Variants in COX10 observed in about 807,000 individuals in gnomAD.
COX10 encodes cytochrome c oxidase assembly factor heme A:farnesyltransferase COX10.
COX10 carries 27 observed loss-of-function variants against 37.3 expected under a neutral mutation model. The observed-to-expected ratio is 0.72, with a 90% CI of 0.53 to 1.00. The LOEUF is 1.00. Ranked by LOEUF, COX10 falls within the 50% of genes least tolerant of loss-of-function variation. The pLI is 0.00. For synonymous variants in COX10, 222 were observed against 229.1 expected, an observed-to-expected ratio of 0.97 and a Z score of 0.28; for missense variants, 475 against 563.2, an observed-to-expected ratio of 0.84 and a Z score of 1.59.
rs1430781758 is a variant in COX10, at chr17:14,127,175, T to C, written c.624+24933T>C. On this transcript the variant is annotated intron_variant, in intron 4 of 6. Coordinates refer to ENST00000261643, the MANE Select transcript of COX10 (RefSeq NM_001303.4). Reference sequence around the variant, plus strand: ...AGGAAAGGCATAAAGAAACTTGTTTTAACTATTTGCTGTCTTCACTAAACC... The same window carrying C: ...AGGAAAGGCATAAAGAAACTTGTTTCAACTATTTGCTGTCTTCACTAAACC... Among the ~76,000 whole-genome samples the C allele has an allele frequency of 3.3e-5, 5 of 152,204 alleles. No homozygotes were observed. In the East Asian group the frequency reaches 9.6e-4, roughly 29 times the overall value.
intron 6 of COX10, among the ~76,000 whole-genome samples, chr17:14,196,642 G>T (rs1906374971): frequency 6.6e-6 from 1 of 152,168 alleles, no homozygotes; most frequent in South Asian, 2.1e-4. Context: ...TGTGCTGCAG[G>T]TTCTCCAAGA....
At chr17:14,124,691 A>G (rs1916297931) in intron 4 of COX10, among the ~76,000 whole-genome samples, 1 of 152,158 alleles carries the variant, frequency 6.6e-6, no homozygotes, top group Non-Finnish European at 1.5e-5. Flanking sequence ...CGGTGCAGAT[A>G]CCTCTGTGGA....
intron 4 of COX10, among the ~76,000 whole-genome samples, chr17:14,126,461 A>G (rs536114845): frequency 1.3e-5 from 2 of 152,354 alleles, no homozygotes; most frequent in South Asian, 4.1e-4. Flanking sequence ...ACCACAGCTA[A>G]TTAACAACTG....
intron 5 of COX10, among the ~76,000 whole-genome samples, chr17:14,172,493 A>G (rs1346398767): frequency 6.6e-6 from 1 of 151,742 alleles, no homozygotes; most frequent in Non-Finnish European, 1.5e-5. Context: ...GTATGGTTTT[A>G]ATTTTCATTC....
In COX10 at chr17:14,083,029, T is replaced by C. The variant is rs1415392309; in HGVS notation, c.499+5973T>C. On this transcript the variant is annotated intron_variant, in intron 3 of 6. Transcript: ENST00000261643. Reference sequence around the variant, plus strand: ...AGCCAGCGGAGCCGGTCACTACCACTGGCAGCAGGAAAAGCCGACTGGGCA... The same window carrying C: ...AGCCAGCGGAGCCGGTCACTACCACCGGCAGCAGGAAAAGCCGACTGGGCA... Among the ~76,000 whole-genome samples, 3 of 152,108 alleles carry C rather than the reference T, an allele frequency of 2.0e-5. No homozygotes were observed. In the East Asian group the frequency reaches 5.8e-4, roughly 29 times the overall value.
chr17:14,136,561 G>A (rs1354637291), intron 4 of COX10, among the ~76,000 whole-genome samples: 1 of 151,980 alleles, frequency 6.6e-6, no homozygotes, highest in African/African-American at 2.4e-5. Context: ...GACTTTGGCC[G>A]TTTGAATCCT....
At chr17:14,205,815 T>G (rs1255691094) in intron 6 of COX10, among the ~76,000 whole-genome samples, 1 of 152,046 alleles carries the variant, frequency 6.6e-6, no homozygotes, top group African/African-American at 2.4e-5. Flanking sequence ...AATCCAATGG[T>G]CAAGATTAAA....
chr17:14,083,213 A>T (rs911178560), intron 3 of COX10, among the ~76,000 whole-genome samples: 5 of 152,222 alleles, frequency 3.3e-5, no homozygotes, highest in African/African-American at 1.2e-4. Context: ...GGATGAACTA[A>T]TTGAATTAAA....
intron 5 of COX10, among the ~76,000 whole-genome samples, chr17:14,191,296 G>A (rs1335888377): frequency 1.3e-5 from 2 of 149,374 alleles, no homozygotes; most frequent in South Asian, 2.2e-4. Context: ...AACACTGTGC[G>A]ACCTCCCCTT....
intron 4 of COX10, among the ~76,000 whole-genome samples, chr17:14,146,341 C>T (rs1904718273): frequency 6.6e-6 from 1 of 152,060 alleles, no homozygotes; most frequent in African/African-American, 2.4e-5. Context: ...GAAACAAACT[C>T]ACACACCTAC....
At chr17:14,125,660 C>T (rs1916328089) in intron 4 of COX10, among the ~76,000 whole-genome samples, 2 of 152,098 alleles carry the variant, frequency 1.3e-5, no homozygotes, top group Admixed American at 6.6e-5. Context: ...TCAGAGAGGA[C>T]TTCACGGCTA....
intron 4 of COX10, among the ~76,000 whole-genome samples, chr17:14,153,001 A>C (rs1280367228): frequency 2.0e-5 from 3 of 152,188 alleles, no homozygotes; most frequent in Admixed American, 1.3e-4. Context: ...AAGTGTAAGC[A>C]TGGCTACTGC....
At chr17:14,146,751 A>T (rs1904730758) in intron 4 of COX10, among the ~76,000 whole-genome samples, 1 of 152,148 alleles carries the variant, frequency 6.6e-6, no homozygotes, top group Admixed American at 6.6e-5. Context: ...CTGACAAGGG[A>T]TTAATAACCA....
At chr17:14,184,499 T>G (rs1355426886) in intron 5 of COX10, among the ~76,000 whole-genome samples, 1 of 152,194 alleles carries the variant, frequency 6.6e-6, no homozygotes, top group Admixed American at 6.5e-5. Flanking sequence ...CATACTCATC[T>G]CCCAGAATCA....
chr17:14,181,112 C>T (rs912035511), intron 5 of COX10, among the ~76,000 whole-genome samples: 13 of 152,104 alleles, frequency 8.5e-5, no homozygotes, highest in Admixed American at 7.2e-4. Context: ...GAGAAAATGT[C>T]CTTGGAGGAG....
At chr17:14,100,941 A>G (rs1915763459) in intron 3 of COX10, among the ~76,000 whole-genome samples, 4 of 152,256 alleles carry the variant, frequency 2.6e-5, no homozygotes, top group Admixed American at 2.6e-4. Flanking sequence ...TAAGATGTTA[A>G]GAAGCATCCT....
intron 6 of COX10, among the ~76,000 whole-genome samples, chr17:14,195,736 C>G (rs550797313): frequency 2.3e-4 from 35 of 152,290 alleles, no homozygotes; most frequent in African/African-American, 8.2e-4. Context: ...TTCCTGGGCC[C>G]TACCCCTGGA....
chr17:14,164,765 A>T (rs145341826), intron 5 of COX10, among the ~76,000 whole-genome samples: 1 of 152,220 alleles, frequency 6.6e-6, no homozygotes, highest in Non-Finnish European at 1.5e-5. Flanking sequence ...TTCGCCAGAC[A>T]TTATAGCTCA....
At chr17:14,102,324 C>T (rs2142200404) in intron 4 of COX10, 82 bp downstream of exon 4, 1 of 1,525,038 alleles carries the variant, frequency 6.6e-7, no homozygotes, top group African/African-American at 1.7e-5. Flanking sequence ...AAATACCTTC[C>T]AAACTCATAT....
Sources: allele counts gnomAD v4.1 joint callset (sites outside exome capture counted in the v4.1 genomes callset), GRCh38; gene constraint gnomAD v4.1.1; transcripts MANE v1.5; gene names NCBI Gene and HGNC (gene_info 2026-07-23, HGNC 2026-07-21).